The following RBFOX1 variants were observed in gnomAD, a reference collection of about 807,000 sequenced individuals.
The protein encoded by RBFOX1 is RNA binding fox-1 homolog 1, also known as RNA binding protein fox-1 homolog 1.
A neutral mutation model predicts 57.7 loss-of-function variants in RBFOX1; 8 were observed. That is an observed-to-expected ratio of 0.14 (90% CI 0.08 to 0.25). RBFOX1 has a LOEUF of 0.25. Ranked by LOEUF, RBFOX1 falls within the 10% of genes least tolerant of loss-of-function variation. The pLI is 1.00. For missense variants in RBFOX1, 611 were observed against 548.5 expected (o/e 1.11, Z -1.14); for synonymous variants, 326 against 222.4 (o/e 1.47, Z -4.15).
At chr16:7,022,546 A>G (rs1044422631) in intron 3 of RBFOX1, among the ~76,000 whole-genome samples, 2 of 152,058 alleles carry the variant, frequency 1.3e-5, no homozygotes, top group African/African-American at 4.8e-5. Context: ...GGCCTTTTTC[A>G]TGATAACCCT....
At position 6,639,273 on chromosome 16, in the gene RBFOX1, C is replaced by A. The variant is rs968883386; in HGVS notation, c.-63-15330C>A. 3.9e-5 allele frequency among the ~76,000 whole-genome samples: 6 copies of A among 152,170 alleles called. No individual in the cohort carries two copies. The East Asian group carries it at 9.7e-4, about 24-fold the overall frequency. ...TGGAATCTGATGTCTTTCTGTCTATCTGATTCCTAAGAGGAAGTGAAATAT... is the reference window on the plus strand; with the variant it reads ...TGGAATCTGATGTCTTTCTGTCTATATGATTCCTAAGAGGAAGTGAAATAT... On this transcript the variant is annotated intron_variant, in intron 2 of 15. Transcript: ENST00000550418.
intron 2 of RBFOX1, among the ~76,000 whole-genome samples, chr16:6,579,249 G>C (rs1264755322): frequency 6.6e-6 from 1 of 152,020 alleles, no homozygotes; most frequent in Non-Finnish European, 1.5e-5. Flanking sequence ...TGTTACCCAG[G>C]CTGGAGTGTA....
intron 3 of RBFOX1, among the ~76,000 whole-genome samples, chr16:6,695,795 T>C (rs1007215828): frequency 6.6e-6 from 1 of 152,232 alleles, no homozygotes; most frequent in African/African-American, 2.4e-5. Context: ...TTCTTTGATA[T>C]CTTCATTGTC....
At chr16:6,047,313 T>C (rs2095505318) in intron 1 of RBFOX1, among the ~76,000 whole-genome samples, 1 of 152,170 alleles carries the variant, frequency 6.6e-6, no homozygotes, top group Non-Finnish European at 1.5e-5. Context: ...ATTCCCCAAG[T>C]CTGATTCCTG....
intron 4 of RBFOX1, among the ~76,000 whole-genome samples, chr16:7,152,901 C>G (rs1454619582): frequency 6.6e-6 from 1 of 152,146 alleles, no homozygotes; most frequent in Non-Finnish European, 1.5e-5. Context: ...AAAAATGCAA[C>G]AGAGATGTTT....
At chr16:6,737,242 A>T (rs1040088622) in intron 3 of RBFOX1, among the ~76,000 whole-genome samples, 1 of 152,160 alleles carries the variant, frequency 6.6e-6, no homozygotes, top group Non-Finnish European at 1.5e-5. Context: ...GGGTTATGAT[A>T]TTTTTGCATT....
At chr16:6,537,639 C>A (rs1293492695) in intron 2 of RBFOX1, among the ~76,000 whole-genome samples, 2 of 152,114 alleles carry the variant, frequency 1.3e-5, no homozygotes, top group Non-Finnish European at 2.9e-5. Flanking sequence ...GTTTATTTGT[C>A]TGAAGTGTAA....
chr16:5,950,991 A>G (rs1442723822), intron 4 of RBFOX1, among the ~76,000 whole-genome samples: 1 of 152,150 alleles, frequency 6.6e-6, no homozygotes, highest in African/African-American at 2.4e-5. Flanking sequence ...TCTCACCTCA[A>G]GTGTAACTCA....
intron 1 of RBFOX1, among the ~76,000 whole-genome samples, chr16:5,306,266 A>G (rs1190677246): frequency 6.6e-6 from 1 of 152,214 alleles, no homozygotes; most frequent in Non-Finnish European, 1.5e-5. Flanking sequence ...GATTTGGATA[A>G]CAGTCCCTAC....
At chr16:7,584,265 AGT>A (rs1268329110) in intron 6 of RBFOX1, among the ~76,000 whole-genome samples, 1 of 152,148 alleles carries the variant, frequency 6.6e-6, no homozygotes, top group Non-Finnish European at 1.5e-5. Flanking sequence ...TATTTGCCAA[AGT>A]GTGTGTGCCT....
intron 4 of RBFOX1, among the ~76,000 whole-genome samples, chr16:7,228,310 A>T (rs72767322): frequency 4.4e-4 from 67 of 152,306 alleles, no homozygotes; most frequent in Non-Finnish European, 6.0e-4. Flanking sequence ...AATGATTATT[A>T]TTCACATATT....
intron 4 of RBFOX1, among the ~76,000 whole-genome samples, chr16:5,972,425 T>C (rs2152300637): frequency 6.6e-6 from 1 of 152,316 alleles, no homozygotes; most frequent in African/African-American, 2.4e-5. Context: ...AAGAAACCTC[T>C]CATTATGTGT....
At chr16:7,062,465 C>T (rs1378196359) in intron 4 of RBFOX1, among the ~76,000 whole-genome samples, 4 of 151,710 alleles carry the variant, frequency 2.6e-5, no homozygotes, top group Non-Finnish European at 5.9e-5. Flanking sequence ...GCATGTGCTT[C>T]CTTGTTGTCT....
intron 1 of RBFOX1, among the ~76,000 whole-genome samples, chr16:5,457,039 C>T (rs917066880): frequency 9.9e-5 from 15 of 152,140 alleles, no homozygotes; most frequent in African/African-American, 2.9e-4. Flanking sequence ...ATTGAGGTGC[C>T]GGCCGGTTTG....
chr16:7,274,549 C>T (rs1344480727), intron 4 of RBFOX1, among the ~76,000 whole-genome samples: 1 of 152,168 alleles, frequency 6.6e-6, no homozygotes, highest in East Asian at 1.9e-4. Flanking sequence ...TTGCTTCTGA[C>T]ACTAACCTTA....
intron 1 of RBFOX1, among the ~76,000 whole-genome samples, chr16:5,408,471 G>C (rs761332773): frequency 9.9e-5 from 15 of 152,184 alleles, no homozygotes; most frequent in Non-Finnish European, 2.1e-4. Context: ...CTCTGTGCTG[G>C]GAGTGGGTTC....
chr16:6,190,525 A>G (rs920887624), intron 1 of RBFOX1, among the ~76,000 whole-genome samples: 5 of 152,222 alleles, frequency 3.3e-5, no homozygotes, highest in Non-Finnish European at 7.3e-5. Flanking sequence ...GACTTACTCC[A>G]TAGGATTGTT....
intron 3 of RBFOX1, among the ~76,000 whole-genome samples, chr16:6,973,381 A>T (rs542576029): frequency 6.6e-6 from 1 of 152,336 alleles, no homozygotes; most frequent in South Asian, 2.1e-4. Flanking sequence ...AGATAATTCA[A>T]CTATAAGAGA....
intron 4 of RBFOX1, among the ~76,000 whole-genome samples, chr16:7,345,505 C>G (rs2096981127): frequency 1.3e-5 from 2 of 152,210 alleles, no homozygotes; most frequent in South Asian, 4.1e-4. Flanking sequence ...ACAGTTCCCA[C>G]TGTGACTTAG....
Sources: gnomAD v4.1 joint callset for allele counts (sites outside exome capture counted in the v4.1 genomes callset) on GRCh38, gnomAD v4.1.1 for gene constraint, MANE v1.5 for transcripts, NCBI Gene and HGNC (gene_info 2026-07-23, HGNC 2026-07-21) for gene names.